Variants in MYO1D observed in about 807,000 individuals in gnomAD.
MYO1D encodes unconventional myosin-Id.
MYO1D carries 83 observed loss-of-function variants against 122.0 expected under a neutral mutation model. The observed-to-expected ratio is 0.68, with a 90% CI of 0.57 to 0.82. MYO1D has a LOEUF of 0.82. Ranked by LOEUF, MYO1D falls within the 40% of genes least tolerant of loss-of-function variation. MYO1D has a pLI of 0.00. For synonymous variants in MYO1D, 464 were observed against 446.9 expected, an observed-to-expected ratio of 1.04 and a Z score of -0.48; for missense variants, 1,157 against 1,269.5, an observed-to-expected ratio of 0.91 and a Z score of 1.35.
At chr17:32,826,867 T>C (rs1446924416) in intron 1 of MYO1D, among the ~76,000 whole-genome samples, 1 of 152,226 alleles carries the variant, frequency 6.6e-6, no homozygotes, top group Non-Finnish European at 1.5e-5. Context: ...ATATATATTT[T>C]AAACTTTTAA....
chr17:32,729,521 C>T (rs1598046004), intron 14 of MYO1D, among the ~76,000 whole-genome samples: 6 of 151,694 alleles, frequency 4.0e-5, no homozygotes, highest in Admixed American at 3.3e-4. Flanking sequence ...GATGAAGTTA[C>T]TAAAAAAAAG....
chr17:32,554,852 G>A (rs758634534), intron 21 of MYO1D, among the ~76,000 whole-genome samples: 4 of 152,132 alleles, frequency 2.6e-5, no homozygotes, highest in Non-Finnish European at 4.4e-5. Flanking sequence ...ATGGATATAC[G>A]AAGTTTTTTC....
At chr17:32,611,468 A>T (rs2087701368) in intron 20 of MYO1D, among the ~76,000 whole-genome samples, 1 of 152,042 alleles carries the variant, frequency 6.6e-6, no homozygotes, top group South Asian at 2.1e-4. Context: ...TAAAGGAAAA[A>T]ATCTTCAAGT....
intron 15 of MYO1D, among the ~76,000 whole-genome samples, chr17:32,715,905 ACT>A (rs780819930): frequency 6.6e-5 from 10 of 151,796 alleles, no homozygotes; most frequent in Non-Finnish European, 1.5e-4. Context: ...AGTTCTATTG[ACT>A]CTACCTCCAA....
At chr17:32,631,554 A>C (rs925866744) in intron 20 of MYO1D, among the ~76,000 whole-genome samples, 1 of 151,998 alleles carries the variant, frequency 6.6e-6, no homozygotes, top group South Asian at 2.1e-4. Flanking sequence ...GGCTGAGGAG[A>C]CAGGAATGCT....
At chr17:32,860,666 G>A (rs1244254181) in intron 1 of MYO1D, among the ~76,000 whole-genome samples, 2 of 152,206 alleles carry the variant, frequency 1.3e-5, no homozygotes, top group Non-Finnish European at 2.9e-5. Context: ...TGATTGCAAA[G>A]CAAAAGAGCT....
At chr17:32,599,376 T>C (rs2150909645) in intron 21 of MYO1D, among the ~76,000 whole-genome samples, 1 of 152,336 alleles carries the variant, frequency 6.6e-6, no homozygotes, top group South Asian at 2.1e-4. Context: ...ATCTTCAGGC[T>C]CCACTTCCAA....
At chr17:32,732,207 T>C (rs938503162) in intron 14 of MYO1D, among the ~76,000 whole-genome samples, 1 of 152,128 alleles carries the variant, frequency 6.6e-6, no homozygotes. Flanking sequence ...GTGGGTGCTG[T>C]GGATGGCAGG....
At chr17:32,579,697 C>T (rs7225669) in intron 21 of MYO1D, among the ~76,000 whole-genome samples, 32,862 of 152,146 alleles carry the variant, frequency 0.22, 5,377 homozygotes, top group African/African-American at 0.45. Flanking sequence ...CAATGACTGA[C>T]CTACTTCCTG....
At chr17:32,538,269 T>C (rs1910719687) in intron 21 of MYO1D, among the ~76,000 whole-genome samples, 1 of 123,198 alleles carries the variant, frequency 8.1e-6, no homozygotes, top group African/African-American at 3.0e-5. Context: ...GGCATCTAAG[T>C]AAAATAAATC....
At chr17:32,690,070 T>C (rs2089074843) in intron 16 of MYO1D, among the ~76,000 whole-genome samples, 2 of 152,304 alleles carry the variant, frequency 1.3e-5, no homozygotes, top group Middle Eastern at 3.4e-3. Context: ...ATATAACTGT[T>C]TTCCTGATAT....
At chr17:32,529,351 G>A (rs1056573901) in intron 21 of MYO1D, among the ~76,000 whole-genome samples, 4 of 150,426 alleles carry the variant, frequency 2.7e-5, no homozygotes, top group African/African-American at 9.8e-5. Flanking sequence ...CCAGAGACGT[G>A]AGCTGCCTGG....
chr17:32,549,389 C>A (rs1161804225), intron 21 of MYO1D, among the ~76,000 whole-genome samples: 2 of 152,218 alleles, frequency 1.3e-5, no homozygotes, highest in Non-Finnish European at 2.9e-5. Flanking sequence ...AGCCACTGCA[C>A]CCTCCCTCTT....
At chr17:32,753,353 GT>G (rs1343687943) in intron 11 of MYO1D, among the ~76,000 whole-genome samples, 1 of 151,824 alleles carries the variant, frequency 6.6e-6, no homozygotes, top group Non-Finnish European at 1.5e-5. Context: ...ATATATCCAC[GT>G]AACAAACCTG....
In MYO1D at chr17:32,699,255, G is replaced by A. The variant is rs141319881; in HGVS notation, c.2121+12733C>T. On this transcript the variant is annotated intron_variant, in intron 16 of 21. Coordinates refer to ENST00000318217, the MANE Select transcript of MYO1D (RefSeq NM_015194.3). ...ACTGGGATTACAGGCATGATCCACCGTGCCCAGCCCATAAGCCACCTTTAA... is the reference window on the plus strand; with the variant it reads ...ACTGGGATTACAGGCATGATCCACCATGCCCAGCCCATAAGCCACCTTTAA... Among the ~76,000 whole-genome samples the A allele has an allele frequency of 3.5e-3, 537 of 152,196 alleles. 3 individuals are homozygous for A. Among genetic ancestry groups the A allele is most frequent in the African/African-American group, 0.012 (491 of 41,528 alleles).
At chr17:32,643,203 CT>C (rs202192681) in intron 19 of MYO1D, among the ~76,000 whole-genome samples, 19,595 of 152,130 alleles carry the variant, frequency 0.13, 1,698 homozygotes, top group Middle Eastern at 0.24. Context: ...ATCTTTGGTT[CT>C]GTTTATATGC....
chr17:32,562,448 T>C (rs2087134541), intron 21 of MYO1D, among the ~76,000 whole-genome samples: 1 of 152,162 alleles, frequency 6.6e-6, no homozygotes, highest in Non-Finnish European at 1.5e-5. Flanking sequence ...TGTGCCCATA[T>C]TTCTGATTAT....
chr17:32,628,058 A>AT (rs1330517127), intron 20 of MYO1D, among the ~76,000 whole-genome samples: 1 of 152,204 alleles, frequency 6.6e-6, no homozygotes, highest in Non-Finnish European at 1.5e-5. Context: ...TTTGGACACA[A>AT]TATTGCTAAT....
chr17:32,812,748 G>A (rs201206216), intron 1 of MYO1D, among the ~76,000 whole-genome samples: 2 of 152,166 alleles, frequency 1.3e-5, no homozygotes, highest in East Asian at 3.8e-4. Flanking sequence ...GCACAGTTTT[G>A]CTTAGAAACA....
Sources: gnomAD v4.1 joint callset for allele counts (sites outside exome capture counted in the v4.1 genomes callset) on GRCh38, gnomAD v4.1.1 for gene constraint, MANE v1.5 for transcripts, NCBI Gene and HGNC (gene_info 2026-07-23, HGNC 2026-07-21) for gene names.